ENTREP2: variants seen among roughly 807,000 people sequenced by gnomAD.
ENTREP2 encodes the protein endosomal transmembrane epsin interactor 2, also known as protein ENTREP2.
the ENTREP2 span, among the ~76,000 whole-genome samples, chr15:29,551,815 G>A: frequency 6.8e-6 from 1 of 147,736 alleles, no homozygotes; most frequent in Non-Finnish European, 1.5e-5. Context: ...AGAAGCAAGG[G>A]AGAAGCAAGT....
the ENTREP2 span, among the ~76,000 whole-genome samples, chr15:29,323,645 G>A: frequency 6.6e-6 from 1 of 152,072 alleles, no homozygotes; most frequent in Non-Finnish European, 1.5e-5. Context: ...GACTAGTGTT[G>A]GGAGAGGGGG....
the ENTREP2 span, among the ~76,000 whole-genome samples, chr15:29,520,280 C>T: frequency 1.3e-5 from 2 of 152,104 alleles, no homozygotes; most frequent in South Asian, 2.1e-4. Context: ...TATTGAAGAA[C>T]AAAAATAATA....
the ENTREP2 span, among the ~76,000 whole-genome samples, chr15:29,639,554 T>C: frequency 6.6e-5 from 10 of 152,184 alleles, no homozygotes; most frequent in East Asian, 1.2e-3. Flanking sequence ...TTCTTACAGA[T>C]AAATTTATAA....
At chr15:29,227,834 G>C in the ENTREP2 span, among the ~76,000 whole-genome samples, 2,303 of 152,268 alleles carry the variant, frequency 0.015, 80 homozygotes, top group African/African-American at 0.053. Flanking sequence ...TACATGCCAA[G>C]TAGAAATCAG....
At chr15:29,335,065 C>T in the ENTREP2 span, among the ~76,000 whole-genome samples, 1 of 152,170 alleles carries the variant, frequency 6.6e-6, no homozygotes, top group Admixed American at 6.5e-5. Context: ...GCTGCCCCGG[C>T]CATCTCCAGC....
chr15:29,502,196 G>C, the ENTREP2 span, among the ~76,000 whole-genome samples: 3 of 151,786 alleles, frequency 2.0e-5, no homozygotes, highest in Non-Finnish European at 4.4e-5. Flanking sequence ...AAAGTGAGAG[G>C]AATCACACTT....
chr15:29,366,098 A>G, the ENTREP2 span, among the ~76,000 whole-genome samples: 3 of 152,038 alleles, frequency 2.0e-5, no homozygotes, highest in Non-Finnish European at 4.4e-5. Flanking sequence ...TTTCGAGATG[A>G]AGTCTTGCTC....
At chr15:29,496,126 TTTAAGC>T in the ENTREP2 span, among the ~76,000 whole-genome samples, 38 of 152,032 alleles carry the variant, frequency 2.5e-4, no homozygotes, top group African/African-American at 8.7e-4. Context: ...CATCTCCTTA[TTTAAGC>T]TTATTTATGT....
chr15:29,323,917 A>C, the ENTREP2 span, among the ~76,000 whole-genome samples: 7 of 152,198 alleles, frequency 4.6e-5, no homozygotes, highest in African/African-American at 7.2e-5. Flanking sequence ...GAGTGAATAT[A>C]GAGTAGTTGA....
the ENTREP2 span, chr15:29,137,290 G>T: frequency 8.7e-7 from 1 of 1,144,702 alleles, no homozygotes; most frequent in Non-Finnish European, 1.2e-6. Context: ...GATCAGTTTG[G>T]AATGCCTGTA....
At chr15:29,620,680 C>A in the ENTREP2 span, among the ~76,000 whole-genome samples, 1 of 152,002 alleles carries the variant, frequency 6.6e-6, no homozygotes, top group African/African-American at 2.4e-5. Context: ...TTTTGCTAGG[C>A]TCTTTTCCAC....
the ENTREP2 span, among the ~76,000 whole-genome samples, chr15:29,473,732 T>C: frequency 3.8e-3 from 572 of 152,332 alleles, 4 homozygotes; most frequent in African/African-American, 0.013. Context: ...CGAGGGACCA[T>C]TGGACACCGG....
At chr15:29,533,154 C>T in the ENTREP2 span, among the ~76,000 whole-genome samples, 1 of 152,136 alleles carries the variant, frequency 6.6e-6, no homozygotes, top group East Asian at 1.9e-4. Flanking sequence ...TGGCAACTCC[C>T]CTAAAGGCTG....
chr15:29,388,252 A>T, the ENTREP2 span, among the ~76,000 whole-genome samples: 2 of 152,218 alleles, frequency 1.3e-5, no homozygotes, highest in African/African-American at 2.4e-5. Flanking sequence ...GAATCTACAA[A>T]GAACTCAAAC....
the ENTREP2 span, among the ~76,000 whole-genome samples, chr15:29,673,962 T>G: frequency 6.6e-6 from 1 of 152,200 alleles, no homozygotes. Context: ...TGTTGCTGTG[T>G]GTGTGTTCAG....
the ENTREP2 span, among the ~76,000 whole-genome samples, chr15:29,508,254 T>C: frequency 5.9e-5 from 9 of 152,140 alleles, no homozygotes; most frequent in Non-Finnish European, 1.0e-4. Context: ...GAAGCAGTAA[T>C]TAATAGCCTA....
At chr15:29,611,998 T>C in the ENTREP2 span, among the ~76,000 whole-genome samples, 2 of 152,228 alleles carry the variant, frequency 1.3e-5, no homozygotes, top group Admixed American at 6.5e-5. Flanking sequence ...TCCCAAAATA[T>C]GTGTAAAAGA....
At chr15:29,307,013 G>T in the ENTREP2 span, among the ~76,000 whole-genome samples, 1 of 152,104 alleles carries the variant, frequency 6.6e-6, no homozygotes, top group Non-Finnish European at 1.5e-5. Flanking sequence ...CTCCCAAAAT[G>T]CTGGGATTAC....
the ENTREP2 span, among the ~76,000 whole-genome samples, chr15:29,345,373 G>A: frequency 6.6e-6 from 1 of 152,022 alleles, no homozygotes; most frequent in Non-Finnish European, 1.5e-5. Context: ...GAGCAGAGAT[G>A]GGGCTGGGAC....
Sources: gnomAD v4.1 joint callset for allele counts (sites outside exome capture counted in the v4.1 genomes callset) on GRCh38, gnomAD v4.1.1 for gene constraint, MANE v1.5 for transcripts, NCBI Gene and HGNC (gene_info 2026-07-23, HGNC 2026-07-21) for gene names.